DAG1: variants seen among roughly 807,000 people sequenced by gnomAD.
DAG1 encodes the protein dystroglycan 1, also known as dystroglycan 1 (dystrophin-associated glycoprotein 1).
In DAG1, 8 loss-of-function variants were observed where a neutral mutation model predicts 46.1. That is an observed-to-expected ratio of 0.17 (90% confidence interval 0.10 to 0.31). The LOEUF (loss-of-function observed/expected upper bound fraction) is 0.31, where lower values mean the gene tolerates loss of function less well. DAG1 is among the 10% of genes least tolerant of loss of function. The pLI, the probability that DAG1 is intolerant of heterozygous loss-of-function variation, is 1.00. For missense variants in DAG1, 1,003 were observed against 1,189.9 expected, an observed-to-expected ratio of 0.84 and a Z score of 2.31; for synonymous variants, 495 against 481.8, an observed-to-expected ratio of 1.03 and a Z score of -0.36.
At chr3:49,482,590 A>G (rs1013642584) in intron 1 of DAG1, among the ~76,000 whole-genome samples, 2 of 152,212 alleles carry the variant, frequency 1.3e-5, no homozygotes, top group Non-Finnish European at 2.9e-5. Context: ...GTGTACGTCC[A>G]TCCAGTCACA....
At chr3:49,524,385 A>G (rs1481323883) in intron 2 of DAG1, among the ~76,000 whole-genome samples, 1 of 152,230 alleles carries the variant, frequency 6.6e-6, no homozygotes, top group African/African-American at 2.4e-5. Flanking sequence ...TTCTATTAAA[A>G]TGAATCATGG....
intron 1 of DAG1, among the ~76,000 whole-genome samples, chr3:49,500,683 G>T (rs2050425113): frequency 6.6e-6 from 1 of 152,210 alleles, no homozygotes; most frequent in African/African-American, 2.4e-5. Flanking sequence ...ATGAGTGTGA[G>T]GTGTTAAATT....
intron 1 of DAG1, among the ~76,000 whole-genome samples, chr3:49,473,644 G>T (rs541373707): frequency 6.6e-6 from 1 of 150,566 alleles, no homozygotes; most frequent in Non-Finnish European, 1.5e-5. Context: ...ATAAAGTGGC[G>T]TGATCTTGGC....
In DAG1 at chr3:49,512,676, T is replaced by A. The variant is rs13062256; in HGVS notation, c.285+1857T>A. Among the ~76,000 whole-genome samples the A allele has an allele frequency of 3.1e-3, 469 of 149,224 alleles. 2 individuals are homozygous for A. The highest frequency in any genetic ancestry group is 3.1e-3 in the Non-Finnish European group (208 of 67,238). ...CAACACCCAGCTAATTAAAAAAAAA[T>A]TTTTTTTTAGTTTGGGCGTGATGAC... On this transcript the variant is annotated intron_variant, in intron 2 of 2. Coordinates refer to ENST00000308775, the MANE Select transcript of DAG1 (RefSeq NM_004393.6).
chr3:49,503,265 A>T (rs1176361315), intron 1 of DAG1, among the ~76,000 whole-genome samples: 1 of 151,998 alleles, frequency 6.6e-6, no homozygotes, highest in Non-Finnish European at 1.5e-5. Flanking sequence ...GGCCCATCTG[A>T]TTGGTGTGGA....
chr3:49,506,561 G>T (rs2050612281), intron 1 of DAG1, among the ~76,000 whole-genome samples: 1 of 152,034 alleles, frequency 6.6e-6, no homozygotes, highest in Non-Finnish European at 1.5e-5. Flanking sequence ...ATGACCATGT[G>T]ATTTTTTTTC....
intron 1 of DAG1, among the ~76,000 whole-genome samples, chr3:49,499,561 C>T (rs1302649899): frequency 1.3e-5 from 2 of 152,228 alleles, no homozygotes; most frequent in South Asian, 4.1e-4. Context: ...CATTTATTAA[C>T]TGAGTTCCCT....
At chr3:49,523,683 G>T (rs549197895) in intron 2 of DAG1, among the ~76,000 whole-genome samples, 2 of 152,208 alleles carry the variant, frequency 1.3e-5, no homozygotes, top group African/African-American at 4.8e-5. Flanking sequence ...ACTAGGGAGA[G>T]GAGCCTGGAC....
At chr3:49,497,359 C>G (rs2107467465) in intron 1 of DAG1, among the ~76,000 whole-genome samples, 1 of 151,824 alleles carries the variant, frequency 6.6e-6, no homozygotes, top group South Asian at 2.1e-4. Context: ...AGCTCTTGAA[C>G]CCAGGAGGCG....
chr3:49,500,869 TG>T (rs1160890470), intron 1 of DAG1, among the ~76,000 whole-genome samples: 1 of 152,148 alleles, frequency 6.6e-6, no homozygotes, highest in Admixed American at 6.5e-5. Flanking sequence ...GGAGGATCTC[TG>T]TAGCGTCTCT....
At chr3:49,527,198 T>C (rs1171122193) in intron 2 of DAG1, among the ~76,000 whole-genome samples, 1 of 150,620 alleles carries the variant, frequency 6.6e-6, no homozygotes, top group Non-Finnish European at 1.5e-5. Context: ...GAGACCATCC[T>C]GGCTAACACA....
At chr3:49,492,394 C>T (rs1432941121) in intron 1 of DAG1, among the ~76,000 whole-genome samples, 2 of 152,120 alleles carry the variant, frequency 1.3e-5, no homozygotes, top group Non-Finnish European at 2.9e-5. Flanking sequence ...TGCCTGTAAT[C>T]CCAGCATTTT....
In DAG1 at chr3:49,487,663, A is replaced by G. The variant is rs9818590; in HGVS notation, c.-117+17230A>G. On this transcript the variant is annotated intron_variant, in intron 1 of 2. Coordinates refer to ENST00000308775, the MANE Select transcript of DAG1 (RefSeq NM_004393.6). ...TCAACAACAGTACTACATATTTGTT[A>G]TTATTTGGAGTAATTAGCCCCATAC... Among the ~76,000 whole-genome samples, 43,973 of 143,028 alleles carry G rather than the reference A, an allele frequency of 0.31. 6,986 individuals are homozygous for G. The highest frequency in any genetic ancestry group is 0.33 in the Middle Eastern group (90 of 274). 93.8% of individuals were successfully genotyped at this position (143,028 alleles called of 152,430 possible). A position where few individuals can be genotyped will look rare whatever the true frequency, so the allele number is the denominator to read the frequency against.
intron 1 of DAG1, among the ~76,000 whole-genome samples, chr3:49,486,306 C>T (rs1317995607): frequency 6.6e-6 from 1 of 151,904 alleles, no homozygotes; most frequent in Non-Finnish European, 1.5e-5. Context: ...GCAAGCTCCG[C>T]CTCCCAGGTT....
intron 2 of DAG1, among the ~76,000 whole-genome samples, chr3:49,514,103 T>A (rs1237937514): frequency 6.6e-6 from 1 of 152,200 alleles, no homozygotes; most frequent in African/African-American, 2.4e-5. Context: ...GACCATTTAG[T>A]AGCTGATGAG....
intron 2 of DAG1, chr3:49,511,067 C>G: frequency 4.1e-6 from 3 of 738,104 alleles, no homozygotes; most frequent in Non-Finnish European, 5.0e-6. Context: ...GGAAGTTCTA[C>G]TGAACACTGA....
At chr3:49,483,445 C>T (rs537714097) in intron 1 of DAG1, among the ~76,000 whole-genome samples, 125 of 152,178 alleles carry the variant, frequency 8.2e-4, no homozygotes, top group African/African-American at 2.9e-3. Flanking sequence ...CTCAGATGAT[C>T]TGCCTGCCTC....
intron 2 of DAG1, among the ~76,000 whole-genome samples, chr3:49,523,616 T>C (rs1402895796): frequency 1.3e-5 from 2 of 152,094 alleles, no homozygotes; most frequent in African/African-American, 2.4e-5. Flanking sequence ...TTTTGTGGTA[T>C]GAACAGGGAG....
intron 1 of DAG1, among the ~76,000 whole-genome samples, chr3:49,504,948 C>T (rs985953004): frequency 7.9e-5 from 10 of 126,454 alleles, no homozygotes; most frequent in Non-Finnish European, 1.1e-4. Context: ...ATGTATCTGT[C>T]CCTCCACCAT....
Sources: allele counts gnomAD v4.1 joint callset (sites outside exome capture counted in the v4.1 genomes callset), GRCh38; gene constraint gnomAD v4.1.1; transcripts MANE v1.5; gene names NCBI Gene and HGNC (gene_info 2026-07-23, HGNC 2026-07-21).